The following SLC25A44 variants were observed in gnomAD, a reference collection of about 807,000 sequenced individuals.
SLC25A44 encodes solute carrier family 25 member 44.
Under a neutral mutation model 29.9 loss-of-function variants are expected in SLC25A44, and 17 were observed. The observed-to-expected ratio is 0.57, with a 90% CI of 0.39 to 0.85. The LOEUF (loss-of-function observed/expected upper bound fraction) is 0.85. Ranked by LOEUF, SLC25A44 falls within the 40% of genes least tolerant of loss-of-function variation. The pLI, the probability that SLC25A44 is intolerant of heterozygous loss-of-function variation, is 0.00. For synonymous variants in SLC25A44, 140 were observed against 151.8 expected, an observed-to-expected ratio of 0.92 and a Z score of 0.57; for missense variants, 302 against 398.4, an observed-to-expected ratio of 0.76 and a Z score of 2.06.
At chr1:156,201,647 GTTTCTTCTTCCTTTTTTC>G (rs1411436824) in intron 2 of SLC25A44, among the ~76,000 whole-genome samples, 2 of 148,276 alleles carry the variant, frequency 1.3e-5, no homozygotes, top group Non-Finnish European at 3.0e-5. Flanking sequence ...TTCTTCTTTT[GTTTCTTCTTCCTTTTTTC>G]TTTCTTCTTC....
chr1:156,200,591 C>T (rs1474348351), intron 2 of SLC25A44, 119 bp downstream of exon 2: 6 of 946,382 alleles, frequency 6.3e-6, no homozygotes, highest in African/African-American at 1.6e-5. Context: ...GTCATTCACT[C>T]AGCAAATGTT....
intron 2 of SLC25A44, among the ~76,000 whole-genome samples, chr1:156,201,012 T>A (rs1365729056): frequency 2.0e-5 from 3 of 151,796 alleles, no homozygotes; most frequent in Non-Finnish European, 4.4e-5. Context: ...ACTTTTGTAT[T>A]TTTAGTAGAG....
At chr1:156,204,562 C>T (rs1017670364) in intron 2 of SLC25A44, among the ~76,000 whole-genome samples, 2 of 152,080 alleles carry the variant, frequency 1.3e-5, no homozygotes, top group African/African-American at 4.8e-5. Context: ...TCTTGGCTCA[C>T]TGCAACCTTC....
Position 156,198,213 on chromosome 1 carries a change from G to A in SLC25A44, c.-13-1622G>A, listed in dbSNP as rs1421561573. 1 of 152,078 alleles carries A rather than the reference G, an allele frequency of 6.6e-6. No individual in the cohort carries two copies. The highest frequency in any genetic ancestry group is 1.5e-5 in the Non-Finnish European group (1 of 68,024). The allele number at this position is 152,078 out of a possible 1,614,324, so 9.4% of individuals were successfully genotyped here. ...TTTATCTTCCCAGTCTCCCTTTCTGGCTGAAAATTTCTAGTATCTTACAGA... is the reference window on the plus strand; with the variant it reads ...TTTATCTTCCCAGTCTCCCTTTCTGACTGAAAATTTCTAGTATCTTACAGA... On this transcript the variant is annotated intron_variant, in intron 1 of 3. Transcript: ENST00000359511. The surrounding 1 kb of genome is among the most constrained non-coding windows in gnomAD (Gnocchi z 4.1).
At chr1:156,205,043 A>G (rs959777758) in intron 2 of SLC25A44, among the ~76,000 whole-genome samples, 3 of 151,736 alleles carry the variant, frequency 2.0e-5, no homozygotes, top group East Asian at 2.0e-4. Flanking sequence ...GCATGAGGAA[A>G]AAATTTTTTT....
intron 2 of SLC25A44, among the ~76,000 whole-genome samples, chr1:156,205,163 C>A (rs1656852639): frequency 6.6e-6 from 1 of 152,134 alleles, no homozygotes; most frequent in Non-Finnish European, 1.5e-5. Context: ...CCTGCCTCAG[C>A]CTCCCAAGTA....
intron 2 of SLC25A44, among the ~76,000 whole-genome samples, 157 bp downstream of exon 2, chr1:156,200,629 A>G (rs1656505724): frequency 1.3e-5 from 2 of 152,170 alleles, no homozygotes. Context: ...AAAGATGCAT[A>G]AAACATGGTT....
chr1:156,210,334 T>A lies in SLC25A44; in HGVS notation c.848T>A (p.Ile283Asn). 6.2e-7 allele frequency: 1 copy of A among 1,608,988 alleles called. No homozygotes were observed. ...ATGAAGGGCCTCTCGGCCAGAATCA[T>A]CTCAGCCACACCTTCCACCATTGTC... ...GLMKGLSARI[I>N]SATPSTIVIV... Residue 283 changes from isoleucine (I) to asparagine (N), a missense_variant, in exon 4 of 4, where the codon ATC becomes AAC. Coordinates refer to ENST00000359511, the MANE Select transcript of SLC25A44 (RefSeq NM_014655.4).
intron 2 of SLC25A44, 70 bp downstream of exon 2, chr1:156,200,542 T>C: frequency 7.0e-7 from 1 of 1,420,726 alleles, no homozygotes; most frequent in African/African-American, 1.4e-5. Context: ...TGTTGCTTTG[T>C]GCATGTTAGA....
chr1:156,204,728 T>A (rs979841499), intron 2 of SLC25A44, among the ~76,000 whole-genome samples: 4 of 152,118 alleles, frequency 2.6e-5, no homozygotes, highest in Non-Finnish European at 5.9e-5. Context: ...CCTCAGGTGA[T>A]CCACCTGCCT....
chr1:156,206,300 G>A (rs1206371051), intron 2 of SLC25A44, among the ~76,000 whole-genome samples: 2 of 148,606 alleles, frequency 1.3e-5, no homozygotes, highest in Admixed American at 6.8e-5. Context: ...GTGCAATGAC[G>A]AGATCTCAGC....
In SLC25A44 at chr1:156,199,851, G is replaced by C; in HGVS notation, c.4G>C (p.Glu2Gln). The C allele has an allele frequency of 1.2e-6, 2 of 1,612,570 alleles. No individual in the cohort carries two copies. Among genetic ancestry groups the C allele is most frequent in the Non-Finnish European group, 1.7e-6 (2 of 1,178,994 alleles). Residue 2 changes from glutamate to glutamine, a missense_variant, in exon 2 of 4, where the codon GAG becomes CAG. By Grantham distance (29) the Glu-to-Gln change is conservative (BLOSUM62 2). Coordinates refer to ENST00000359511, the MANE Select transcript of SLC25A44 (RefSeq NM_014655.4). M[E>Q]DKRNIQIIEW... ...AAATCCCAGGTCTTCAGGCACCATG[G>C]AGGACAAACGCAACATCCAGATCAT... is the stretch of plus-strand genomic sequence containing the variant.
At chr1:156,210,047 G>A (rs1206799072) in intron 3 of SLC25A44, among the ~76,000 whole-genome samples, 193 bp from the exon 4 acceptor site, 5 of 152,106 alleles carry the variant, frequency 3.3e-5, no homozygotes, top group Non-Finnish European at 7.4e-5. Context: ...AGGTTGGGGA[G>A]CAGAATTCAA....
intron 2 of SLC25A44, among the ~76,000 whole-genome samples, chr1:156,205,027 C>G (rs918859543): frequency 6.6e-6 from 1 of 151,964 alleles, no homozygotes; most frequent in Non-Finnish European, 1.5e-5. Flanking sequence ...ACTACTAAAA[C>G]TAGGAGCATG....
In SLC25A44 at chr1:156,208,191, A is replaced by G. The variant is rs1657078874; in HGVS notation, c.753+178A>G. Among the ~76,000 whole-genome samples the G allele has an allele frequency of 2.0e-5, 3 of 152,172 alleles. No homozygotes were observed. In the South Asian group the frequency reaches 6.2e-4, roughly 31 times the overall value. Reference sequence around the variant, plus strand: ...CATCTGCAGAAGCCAGCCCACAGCCAGGCACAGTGGCTCACGCCTGTAATC... The same window carrying G: ...CATCTGCAGAAGCCAGCCCACAGCCGGGCACAGTGGCTCACGCCTGTAATC... On this transcript the variant is annotated intron_variant, in intron 3 of 3. Coordinates refer to ENST00000359511, the MANE Select transcript of SLC25A44 (RefSeq NM_014655.4).
chr1:156,195,452 A>AT (rs1462696807), intron 1 of SLC25A44, among the ~76,000 whole-genome samples: 1 of 152,132 alleles, frequency 6.6e-6, no homozygotes, highest in African/African-American at 2.4e-5. Context: ...CTCAAATGCC[A>AT]TTGGTGGAAT....
chr1:156,207,058 C>T lies in SLC25A44; in HGVS notation c.626-828C>T, dbSNP rs1322115207. On this transcript the variant is annotated intron_variant, in intron 2 of 3. Coordinates refer to ENST00000359511, the MANE Select transcript of SLC25A44 (RefSeq NM_014655.4). ...GTCCTGTTTAAATGGACGATGTTGG[C>T]CAGGTCCAGTGGCTCCTACCTGTAA... Among the ~76,000 whole-genome samples, 4 of 152,236 alleles carry T rather than the reference C, an allele frequency of 2.6e-5. No individual in the cohort carries two copies. In the East Asian group the frequency reaches 7.7e-4, roughly 29 times the overall value.
At position 156,200,296 on chromosome 1, in the gene SLC25A44, A is replaced by G. The variant is rs1656479013; in HGVS notation, c.449A>G (p.Gln150Arg). 3.7e-6 allele frequency: 6 copies of G among 1,614,212 alleles called. No individual in the cohort carries two copies. The highest frequency in any genetic ancestry group is 5.1e-6 in the Non-Finnish European group (6 of 1,180,046). ...AAGGGTGAGAAAATGGGCCGCTTTC[A>G]GGTGCGGGGGAACCCAGAGGGACAA... ...QRKGEKMGRF[Q>R]VRGNPEGQGV... Residue 150 changes from glutamine to arginine, a missense_variant, in exon 2 of 4, where the codon CAG becomes CGG. By Grantham distance (43) the Gln-to-Arg change is conservative. Coordinates refer to ENST00000359511, the MANE Select transcript of SLC25A44 (RefSeq NM_014655.4).
In SLC25A44 at chr1:156,212,023, G is replaced by A. The variant is rs1657362196; in HGVS notation, c.*1592G>A. The A allele has an allele frequency of 6.5e-6, 1 of 152,820 alleles. No individual in the cohort carries two copies. Among genetic ancestry groups the A allele is most frequent in the Non-Finnish European group, 1.5e-5 (1 of 68,076 alleles). The allele number at this position is 152,820 out of a possible 1,614,324, so 9.5% of individuals were successfully genotyped here. On this transcript the variant is annotated 3_prime_UTR_variant, in exon 4 of 4. Transcript: ENST00000359511. The stretch of plus-strand genomic sequence containing the variant: ...CACCACTGCCCATCTTGATCTCTTT[G>A]AGGGTTTTCCCATTTCACTTGATCT...
Sources: gnomAD v4.1 joint callset for allele counts (sites outside exome capture counted in the v4.1 genomes callset) on GRCh38, gnomAD v4.1.1 for gene constraint, Gnocchi (gnomAD v3.1) non-coding constraint, MANE v1.5 for transcripts, NCBI Gene and HGNC (gene_info 2026-07-23, HGNC 2026-07-21) for gene names.